Variants in KCTD19 observed in about 807,000 individuals in gnomAD.
KCTD19 encodes the protein BTB/POZ domain-containing protein KCTD19.
Under a neutral mutation model 103.5 loss-of-function variants are expected in KCTD19, and 67 were observed. The ratio of observed to expected loss-of-function variants is 0.65; its 90% CI spans 0.53 to 0.79. The LOEUF is 0.79. KCTD19 is among the 30% of genes least tolerant of loss of function. KCTD19 has a pLI of 0.00. For missense variants in KCTD19, 980 were observed against 1,136.1 expected (o/e 0.86, Z 1.98); for synonymous variants, 439 against 452.2 (o/e 0.97, Z 0.37).
In KCTD19 at chr16:67,299,405, C is replaced by T. The variant is rs372416449; in HGVS notation, c.944G>A (p.Arg315Gln). 2.5e-5 allele frequency: 41 copies of T among 1,614,138 alleles called. No individual in the cohort carries two copies. The East Asian group carries it at 2.9e-4, about 11-fold the overall frequency. ...LRIESTLDGSRLYITGNGVLF... is the reference protein window; with the variant it reads ...LRIESTLDGSQLYITGNGVLF... Reference sequence around the variant, plus strand: ...GACGCCATTCCCTGTGATGTACAGTCGGCTTCCGTCTAGCGTGCTCTCGAT... The same window carrying T: ...GACGCCATTCCCTGTGATGTACAGTTGGCTTCCGTCTAGCGTGCTCTCGAT... The change falls in exon 6 of 16, where the codon CGA (arginine) becomes CAA (glutamine). Residue 315 changes from arginine (R) to glutamine (Q), a missense_variant. By Grantham distance (43) the Arg-to-Gln change is conservative. Coordinates refer to ENST00000304372, the MANE Select transcript of KCTD19 (RefSeq NM_001100915.3).
In KCTD19 at chr16:67,293,439, G is replaced by A; in HGVS notation, c.2218+105C>T. The A allele has an allele frequency of 2.4e-6, 3 of 1,253,224 alleles. No individual in the cohort carries two copies. In the East Asian group the frequency reaches 7.0e-5, roughly 29 times the overall value. 77.6% of individuals were successfully genotyped at this position (1,253,224 alleles called of 1,614,324 possible). A position where few individuals can be genotyped will look rare whatever the true frequency, so the allele number is the denominator to read the frequency against. The stretch of plus-strand genomic sequence containing the variant: ...GCACAGAGATGGCATTGGTGAGCGG[G>A]GGGGTCTAGTCCTCCTTTGTCACTA... On this transcript the variant is annotated intron_variant, in intron 12 of 15. Coordinates refer to ENST00000304372, the MANE Select transcript of KCTD19 (RefSeq NM_001100915.3). The surrounding 1 kb of genome is among the most constrained non-coding windows in gnomAD (Gnocchi z 4.0).
At chr16:67,307,489 T>G (rs905010213) in intron 2 of KCTD19, among the ~76,000 whole-genome samples, 1 of 152,084 alleles carries the variant, frequency 6.6e-6, no homozygotes, top group Admixed American at 6.5e-5. Context: ...AATTTTTTTG[T>G]ATTTTTAGTA....
At position 67,303,214 on chromosome 16, in the gene KCTD19, T is replaced by C. The variant is rs1158443210; in HGVS notation, c.575A>G (p.Asp192Gly). 2 of 1,612,456 alleles carry C rather than the reference T, an allele frequency of 1.2e-6. No homozygotes were observed. The highest frequency in any genetic ancestry group is 1.7e-6 in the Non-Finnish European group (2 of 1,179,318). Residue 192 changes from aspartate to glycine, a missense_variant, in exon 4 of 16, where the codon GAC becomes GGC. Coordinates refer to ENST00000304372, the MANE Select transcript of KCTD19 (RefSeq NM_001100915.3). This position sits in a 1 kb window ranked among gnomAD's most constrained non-coding sequence, Gnocchi z 4.3. ...CGTCTCAGCCAGCCACAGCAGGTTG[T>C]CTTCAGTCACTAGGCTGGGATATTT... ...VAKYPSLVTE[D>G]NLLWLAETVA...
At chr16:67,290,767 T>G (rs928549861) in intron 15 of KCTD19, 118 bp downstream of exon 15, 2 of 870,760 alleles carry the variant, frequency 2.3e-6, no homozygotes, top group African/African-American at 1.7e-5. Context: ...AGCAGTGGCC[T>G]AAGCTGCCTG....
intron 6 of KCTD19, among the ~76,000 whole-genome samples, chr16:67,298,974 T>C (rs1207049562): frequency 6.6e-6 from 1 of 152,244 alleles, no homozygotes; most frequent in Non-Finnish European, 1.5e-5. Context: ...CTCTGGCCAT[T>C]CTGTGTGTCC....
At chr16:67,306,444 C>G (rs761139896) in intron 2 of KCTD19, among the ~76,000 whole-genome samples, 2 of 152,028 alleles carry the variant, frequency 1.3e-5, no homozygotes, top group Non-Finnish European at 2.9e-5. Flanking sequence ...TTTTGGATTT[C>G]TAGTAGAGAT....
chr16:67,305,462 A>G, intron 2 of KCTD19: 1 of 333,076 alleles, frequency 3.0e-6, no homozygotes, highest in Non-Finnish European at 5.9e-6. Context: ...CCGCCCAAGC[A>G]GTCTTCCAAG....
At chr16:67,318,427 T>C (rs2037035224) in intron 2 of KCTD19, among the ~76,000 whole-genome samples, 1 of 151,944 alleles carries the variant, frequency 6.6e-6, no homozygotes, top group Non-Finnish European at 1.5e-5. Context: ...CCAGGCATGG[T>C]GGCACAAGCC....
chr16:67,315,485 T>C (rs951930828), intron 2 of KCTD19, among the ~76,000 whole-genome samples: 1 of 151,678 alleles, frequency 6.6e-6, no homozygotes, highest in Non-Finnish European at 1.5e-5. Context: ...TTTGTGTTTT[T>C]TTGTTTGTTT....
At chr16:67,290,400 G>T (rs528455722) in intron 15 of KCTD19, among the ~76,000 whole-genome samples, 1 of 152,048 alleles carries the variant, frequency 6.6e-6, no homozygotes, top group Admixed American at 6.5e-5. Context: ...GGATGGTCTC[G>T]ATCTCCTGAC....
chr16:67,309,637 G>A (rs1477301316), intron 2 of KCTD19, among the ~76,000 whole-genome samples: 1 of 152,226 alleles, frequency 6.6e-6, no homozygotes, highest in Non-Finnish European at 1.5e-5. Flanking sequence ...CAACCCCCAA[G>A]ATTCTGTCTT....
At chr16:67,304,329 T>A in intron 3 of KCTD19, 92 bp downstream of exon 3, 1 of 1,271,928 alleles carries the variant, frequency 7.9e-7, no homozygotes, top group East Asian at 2.3e-5. Context: ...AATCAGGCAC[T>A]CTCTGCTCTC....
intron 2 of KCTD19, among the ~76,000 whole-genome samples, chr16:67,319,284 A>T (rs1338462547): frequency 6.6e-6 from 1 of 152,124 alleles, no homozygotes; most frequent in Admixed American, 6.6e-5. Flanking sequence ...TTTAAGAGAA[A>T]ACACTGAATT....
In KCTD19 at chr16:67,291,006, TCAGG is replaced by T; in HGVS notation, c.2566-24_2566-21del. The stretch of plus-strand genomic sequence containing the variant: ...CAGGGTCTGCCAGGAGAGCCCACAG[TCAGG>T]CAGTGCTAGGGCAGCTCCTAGCCCC... On this transcript the variant is annotated intron_variant, in intron 14 of 15. Transcript: ENST00000304372. 4 of 1,612,064 alleles carry T rather than the reference TCAGG, an allele frequency of 2.5e-6. No homozygotes were observed. Among genetic ancestry groups the T allele is most frequent in the Non-Finnish European group, 3.4e-6 (4 of 1,178,758 alleles).
At chr16:67,321,292 T>C (rs1020959572) in intron 1 of KCTD19, among the ~76,000 whole-genome samples, 6 of 152,174 alleles carry the variant, frequency 3.9e-5, no homozygotes, top group Non-Finnish European at 8.8e-5. Context: ...AATCTGAAAG[T>C]GAAATTAAGA....
At chr16:67,295,722 G>A (rs949140203) in intron 8 of KCTD19, 3 of 336,754 alleles carry the variant, frequency 8.9e-6, no homozygotes, top group Admixed American at 8.6e-5. Flanking sequence ...CTTCCCAGCA[G>A]GCCACTCGGT....
intron 2 of KCTD19, among the ~76,000 whole-genome samples, chr16:67,315,056 T>C (rs562848026): frequency 1.3e-5 from 2 of 152,072 alleles, no homozygotes; most frequent in South Asian, 4.1e-4. Flanking sequence ...AGTTGGAGTC[T>C]CACTTTGTTG....
At chr16:67,315,652 T>G (rs2037005079) in intron 2 of KCTD19, among the ~76,000 whole-genome samples, 1 of 152,144 alleles carries the variant, frequency 6.6e-6, no homozygotes, top group Non-Finnish European at 1.5e-5. Context: ...CGGCTAATTT[T>G]TATATTTTTA....
At position 67,297,627 on chromosome 16, in the gene KCTD19, C is replaced by A. The variant is rs555059782; in HGVS notation, c.1023G>T (p.Glu341Asp). 6.9e-5 allele frequency: 112 copies of A among 1,614,030 alleles called. 2 individuals carry two copies. In the South Asian group the frequency reaches 1.2e-3, roughly 17 times the overall value. ...WLGTCRLPLT[E>D]TISEVYELCA... Reference sequence around the variant, plus strand: ...AGAGCTCATATACCTCGGAAATGGTCTCTGTCAGGGGCAGCCGGCAAGTCC... The same window carrying A: ...AGAGCTCATATACCTCGGAAATGGTATCTGTCAGGGGCAGCCGGCAAGTCC... The change falls in exon 7 of 16, where the codon GAG (glutamate) becomes GAT (aspartate). Residue 341 changes from glutamate (E) to aspartate (D), a missense_variant. Physicochemically the swap from Glu to Asp is conservative, Grantham distance 45. Coordinates refer to ENST00000304372, the MANE Select transcript of KCTD19 (RefSeq NM_001100915.3).
Sources: gnomAD v4.1 joint callset for allele counts (sites outside exome capture counted in the v4.1 genomes callset) on GRCh38, gnomAD v4.1.1 for gene constraint, Gnocchi (gnomAD v3.1) non-coding constraint, MANE v1.5 for transcripts, NCBI Gene and HGNC (gene_info 2026-07-23, HGNC 2026-07-21) for gene names.